The following PALD1 variants were observed in gnomAD, a reference collection of about 807,000 sequenced individuals.
PALD1 encodes the protein phosphatase domain containing paladin 1.
A neutral mutation model predicts 96.0 loss-of-function variants in PALD1; 57 were observed. That is an observed-to-expected ratio of 0.59 (90% CI 0.48 to 0.74). PALD1 has a LOEUF of 0.74. Ranked by LOEUF, PALD1 falls within the 30% of genes least tolerant of loss-of-function variation. The pLI is 0.00. For synonymous variants in PALD1, 464 were observed against 473.6 expected, an observed-to-expected ratio of 0.98 and a Z score of 0.26; for missense variants, 1,063 against 1,143.7, an observed-to-expected ratio of 0.93 and a Z score of 1.02.
the PALD1 span, among the ~76,000 whole-genome samples, chr10:70,465,603 A>C: frequency 1.3e-5 from 2 of 152,188 alleles, no homozygotes; most frequent in Non-Finnish European, 2.9e-5. Flanking sequence ...CCTGAGTCTA[A>C]GAAACATATT....
At chr10:70,492,269 C>T (rs1351875169) in intron 1 of PALD1, among the ~76,000 whole-genome samples, 2 of 152,020 alleles carry the variant, frequency 1.3e-5, no homozygotes, top group East Asian at 3.9e-4. Flanking sequence ...GGTGGTTCCA[C>T]TTATGCTTTT....
At chr10:70,468,890 C>T in the PALD1 span, among the ~76,000 whole-genome samples, 34 of 152,260 alleles carry the variant, frequency 2.2e-4, no homozygotes, top group African/African-American at 7.7e-4. Flanking sequence ...GATGAAGAGA[C>T]TGAGACTAGG....
At position 70,526,071 on chromosome 10, in the gene PALD1, C is replaced by T; in HGVS notation, c.120C>T (p.Ser40=). The T allele has an allele frequency of 1.2e-6, 2 of 1,614,218 alleles. No homozygotes were observed. The highest frequency in any genetic ancestry group is 1.7e-6 in the Non-Finnish European group (2 of 1,180,022). The part of the protein sequence containing the change: ...RHSVSIHSFQ[S]TSLHNSKAKS... ...CCGTCAGCATCCACTCCTTCCAGAG[C>T]ACTAGCTTGCATAACAGCAAGGCCA... The change falls in exon 2 of 20, where the codon AGC becomes AGT. Residue 40 remains serine, a synonymous_variant. Transcript: ENST00000263563.
chr10:70,509,990 AG>A (rs759774366), intron 1 of PALD1, among the ~76,000 whole-genome samples: 17 of 152,226 alleles, frequency 1.1e-4, no homozygotes, highest in Non-Finnish European at 2.2e-4. Context: ...ACTCTTGGAA[AG>A]TCAGGGCTGG....
chr10:70,560,839 A>G (rs1847723047), intron 18 of PALD1, among the ~76,000 whole-genome samples: 1 of 152,038 alleles, frequency 6.6e-6, no homozygotes, highest in Non-Finnish European at 1.5e-5. Context: ...GTCCGGCTCC[A>G]CCACAGCTAA....
At chr10:70,528,428 T>G (rs1403545925) in intron 2 of PALD1, among the ~76,000 whole-genome samples, 1 of 152,162 alleles carries the variant, frequency 6.6e-6, no homozygotes, top group South Asian at 2.1e-4. Flanking sequence ...TTACAATCAT[T>G]AGCACATTTA....
chr10:70,536,117 G>T (rs7069302), intron 10 of PALD1, among the ~76,000 whole-genome samples: 23,771 of 152,092 alleles, frequency 0.16, 2,287 homozygotes, highest in Admixed American at 0.22. Context: ...AGAAAACACA[G>T]AAATTAGCTG....
chr10:70,544,067 T>C (rs971241658), intron 17 of PALD1, among the ~76,000 whole-genome samples: 1 of 152,104 alleles, frequency 6.6e-6, no homozygotes, highest in African/African-American at 2.4e-5. Flanking sequence ...AGTTCAGCAT[T>C]TGCTGAGCCC....
At chr10:70,487,495 T>G (rs1846032702) in intron 1 of PALD1, among the ~76,000 whole-genome samples, 2 of 151,962 alleles carry the variant, frequency 1.3e-5, no homozygotes, top group Admixed American at 1.3e-4. Flanking sequence ...CTTCAATGTT[T>G]TTTTTTTAAA....
At chr10:70,478,351 C>G, upstream of PALD1, among the ~76,000 whole-genome samples, 1 of 152,310 alleles carries the variant, frequency 6.6e-6, no homozygotes, top group South Asian at 2.1e-4. Context: ...CCCGCCGAGG[C>G]TCGGCCTGGC....
In PALD1 at chr10:70,568,306, A is replaced by G. The variant is rs967093373; in HGVS notation, c.*1573A>G. The G allele has an allele frequency of 2.6e-5, 4 of 152,386 alleles. No homozygotes were observed. The highest frequency in any genetic ancestry group is 3.9e-4 in the East Asian group (2 of 5,160). The allele number at this position is 152,386 out of a possible 1,614,324, so 9.4% of individuals were successfully genotyped here. ...TGTGTTGGGACCACTGGCTGATCAC[A>G]TCACCTCTCTGCCTCAGTTTCCCCA... On this transcript the variant is annotated 3_prime_UTR_variant, in exon 20 of 20. Coordinates refer to ENST00000263563, the MANE Select transcript of PALD1 (RefSeq NM_014431.3).
chr10:70,520,938 C>G (rs1483350121), intron 1 of PALD1, among the ~76,000 whole-genome samples: 1 of 151,956 alleles, frequency 6.6e-6, no homozygotes, highest in African/African-American at 2.4e-5. Context: ...ATGATCCGCC[C>G]GCCTCAGCCT....
chr10:70,477,004 T>C (rs952772197), upstream of PALD1, among the ~76,000 whole-genome samples: 12 of 147,634 alleles, frequency 8.1e-5, no homozygotes, highest in Non-Finnish European at 1.3e-4. Context: ...TGTATACATA[T>C]ATGTGCATGT....
intron 9 of PALD1, 36 bp downstream of exon 9, chr10:70,534,560 G>A (rs752687579): frequency 6.8e-7 from 1 of 1,480,228 alleles, no homozygotes; most frequent in Non-Finnish European, 9.4e-7. Context: ...GGGCAGGGGT[G>A]GTGGAGGGGA....
At chr10:70,466,849 G>A in the PALD1 span, among the ~76,000 whole-genome samples, 1 of 152,150 alleles carries the variant, frequency 6.6e-6, no homozygotes, top group Non-Finnish European at 1.5e-5. Context: ...CTCACCTCCG[G>A]GATGCTGCCA....
Position 70,508,809 on chromosome 10 carries a change from G to GTGTGTGTGTGTGTGTA in PALD1, c.-29-17104_-29-17103insTGTGTATGTGTGTGTG, listed in dbSNP as rs1235689118. 1.2e-4 allele frequency among the ~76,000 whole-genome samples: 14 copies of GTGTGTGTGTGTGTGTA among 113,758 alleles called. 1 individual carries two copies. The highest frequency in any genetic ancestry group is 2.6e-4 in the African/African-American group (8 of 30,662). 74.6% of individuals were successfully genotyped at this position (113,758 alleles called of 152,430 possible). A position where few individuals can be genotyped will look rare whatever the true frequency, so the allele number is the denominator to read the frequency against. On this transcript the variant is annotated intron_variant, in intron 1 of 19. Transcript: ENST00000263563. ...CGTGTGTGTGTGTGTGTGTGTGTGT[G>GTGTGTGTGTGTGTGTA]TGTGTGTGTGCAGGCCTGTGGGAGC...
At chr10:70,459,765 AGGCT>A in the PALD1 span, among the ~76,000 whole-genome samples, 5 of 152,166 alleles carry the variant, frequency 3.3e-5, no homozygotes, top group Non-Finnish European at 5.9e-5. Context: ...GAAGGAACAG[AGGCT>A]GGAAAGCTCG....
chr10:70,504,359 T>C (rs1352658379), intron 1 of PALD1, among the ~76,000 whole-genome samples: 1 of 152,144 alleles, frequency 6.6e-6, no homozygotes, highest in African/African-American at 2.4e-5. Context: ...AAACCCTGTC[T>C]CTACTAAAAA....
chr10:70,536,403 C>T (rs1564702146), intron 10 of PALD1, among the ~76,000 whole-genome samples: 1 of 152,214 alleles, frequency 6.6e-6, no homozygotes, highest in African/African-American at 2.4e-5. Flanking sequence ...ATTTACTAAA[C>T]AGTCCCCCTC....
Sources: allele counts gnomAD v4.1 joint callset (sites outside exome capture counted in the v4.1 genomes callset), GRCh38; gene constraint gnomAD v4.1.1; transcripts MANE v1.5; gene names NCBI Gene and HGNC (gene_info 2026-07-23, HGNC 2026-07-21).